RPL6: variants seen among roughly 807,000 people sequenced by gnomAD.
RPL6 encodes ribosomal protein L6.
Under a neutral mutation model 32.1 loss-of-function variants are expected in RPL6, and 1 was observed. That is an observed-to-expected ratio of 0.03 (90% CI 0.01 to 0.15). The LOEUF (loss-of-function observed/expected upper bound fraction) is 0.15. RPL6 is among the 10% of genes least tolerant of loss of function. RPL6 has a pLI of 1.00. For missense variants in RPL6, 275 were observed against 354.6 expected (o/e 0.78, Z 1.80); for synonymous variants, 126 against 131.6 (o/e 0.96, Z 0.29).
chr12:112,406,753 C>T lies in RPL6; in HGVS notation c.474G>A (p.Arg158=). The change falls in exon 4 of 7, where the codon AGG becomes AGA. Residue 158 remains arginine (R), a synonymous_variant. Coordinates refer to ENST00000202773, the MANE Select transcript of RPL6 (RefSeq NM_000970.6). The part of the protein sequence containing the change: ...TILIILTGRH[R]GKRVVFLKQL... ...CAAGCACAGGTACTCTCACCTTGCC[C>T]CTGTGGCGTCCAGTGAGGATGATCA... 1.2e-6 allele frequency: 2 copies of T among 1,614,184 alleles called. No homozygotes were observed. The highest frequency in any genetic ancestry group is 1.7e-5 in the Admixed American group (1 of 60,026).
chr12:112,418,193 T>A (rs866312089), intron 1 of RPL6, among the ~76,000 whole-genome samples: 141 of 151,976 alleles, frequency 9.3e-4, no homozygotes, highest in African/African-American at 3.3e-3. Context: ...TTGGCCAGGA[T>A]GGTCTCGATC....
upstream of RPL6, among the ~76,000 whole-genome samples, chr12:112,412,987 A>T (rs2037359078): frequency 6.6e-6 from 1 of 152,184 alleles, no homozygotes; most frequent in Middle Eastern, 3.4e-3. Flanking sequence ...TGTGTTATGT[A>T]TGTGTGTGAG....
At chr12:112,417,576 T>C (rs1411262203) in intron 1 of RPL6, among the ~76,000 whole-genome samples, 20 of 142,856 alleles carry the variant, frequency 1.4e-4, no homozygotes, top group Admixed American at 1.4e-3. Context: ...TTTTTTTTTT[T>C]TTTTTTTTTT....
rs564011731 is a variant in RPL6, at chr12:112,406,044, G to A, written c.530-7C>T. The A allele has an allele frequency of 1.9e-6, 3 of 1,595,812 alleles. No individual in the cohort carries two copies. The highest frequency in any genetic ancestry group is 2.7e-5 in the African/African-American group (2 of 74,012). ...CGATTGAGGACCAGAGGTCCTAAGGGGGAAAAATTAATTTAGCAAGGAAAA... is the reference window on the plus strand; with the variant it reads ...CGATTGAGGACCAGAGGTCCTAAGGAGGAAAAATTAATTTAGCAAGGAAAA... On this transcript the variant is annotated splice_polypyrimidine_tract_variant and splice_region_variant and intron_variant, in intron 5 of 6. Transcript: ENST00000202773.
Position 112,406,306 on chromosome 12 carries a change from A to T in RPL6, c.517T>A (p.Leu173Ile), listed in dbSNP as rs1383871602. The part of the protein sequence containing the change: ...VFLKQLASGL[L>I]LVTGPLVLNR... ...AGGATTTTCTTACCAGTCACAAGTAATAAGCCACTAGCCAGCTGCTTCAGG... is the reference window on the plus strand; with the variant it reads ...AGGATTTTCTTACCAGTCACAAGTATTAAGCCACTAGCCAGCTGCTTCAGG... Residue 173 changes from leucine (L) to isoleucine (I), a missense_variant, in exon 5 of 7, where the codon TTA (leucine) becomes ATA (isoleucine). Physicochemically the swap from Leu to Ile is conservative, Grantham distance 5. Transcript: ENST00000202773. 2 of 1,613,376 alleles carry T rather than the reference A, an allele frequency of 1.2e-6. No homozygotes were observed. The highest frequency in any genetic ancestry group is 1.7e-6 in the Non-Finnish European group (2 of 1,179,440).
chr12:112,418,573 A>G (rs528007136), intron 1 of RPL6: 1 of 238,478 alleles, frequency 4.2e-6, no homozygotes, highest in African/African-American at 2.2e-5. Context: ...AAAGAAAAGA[A>G]TGGAGGAAAC....
chr12:112,412,421 C>T (rs1318009128), upstream of RPL6, among the ~76,000 whole-genome samples: 3 of 151,976 alleles, frequency 2.0e-5, no homozygotes, highest in African/African-American at 7.2e-5. Flanking sequence ...GTGATCTGCT[C>T]ACCTCGGCCT....
At chr12:112,411,501 G>A (rs554296047), upstream of RPL6, 2 of 152,280 alleles carry the variant, frequency 1.3e-5, no homozygotes, top group South Asian at 2.1e-4. Context: ...GAATGGGAAT[G>A]TCAGCAGCTT....
At chr12:112,414,314 G>A (rs1026359390), upstream of RPL6, among the ~76,000 whole-genome samples, 2 of 152,236 alleles carry the variant, frequency 1.3e-5, no homozygotes, top group African/African-American at 2.4e-5. Flanking sequence ...CAGGGGAGGG[G>A]AGTGACGTGA....
chr12:112,405,286 C>T lies in RPL6; in HGVS notation c.805G>A (p.Gly269Ser), dbSNP rs773107304. Residue 269 changes from glycine (G) to serine (S), a missense_variant, in exon 7 of 7, where the codon GGC (glycine) becomes AGC (serine). Coordinates refer to ENST00000202773, the MANE Select transcript of RPL6 (RefSeq NM_000970.6). ...AGAGCAAACACAGATCGCAGGTAGC[C>T]CTGGAGCTGAGGAATAGCTTTGATT... Reference protein sequence around the residue: ...PKIKAIPQLQGYLRSVFALTN... With the variant: ...PKIKAIPQLQSYLRSVFALTN... 1.2e-6 allele frequency: 2 copies of T among 1,610,106 alleles called. No individual in the cohort carries two copies. The highest frequency in any genetic ancestry group is 2.7e-5 in the African/African-American group (2 of 74,688).
intron 3 of RPL6, 151 bp downstream of exon 3, chr12:112,408,089 A>G (rs1290725962): frequency 1.9e-5 from 12 of 624,468 alleles, no homozygotes; most frequent in Middle Eastern, 4.3e-4. Context: ...ATTAACAGTA[A>G]ATGTTGAAGC....
Position 112,405,300 on chromosome 12 carries a change from A to G in RPL6, c.791T>C (p.Ile264Thr), listed in dbSNP as rs2037127608. 4 of 1,610,584 alleles carry G rather than the reference A, an allele frequency of 2.5e-6. No individual in the cohort carries two copies. The highest frequency in any genetic ancestry group is 2.5e-6 in the Non-Finnish European group (3 of 1,178,918). ...TCGCAGGTAGCCCTGGAGCTGAGGA[A>G]TAGCTTTGATTTTTGGTAAAATTTG... is the stretch of plus-strand genomic sequence containing the variant. ...DSQILPKIKAIPQLQGYLRSV... is the reference protein window; with the variant it reads ...DSQILPKIKATPQLQGYLRSV... The change falls in exon 7 of 7, where the codon ATT (isoleucine) becomes ACT (threonine). Residue 264 changes from isoleucine (I) to threonine (T), a missense_variant. Physicochemically the swap from Ile to Thr is moderately conservative, Grantham distance 89. Transcript: ENST00000202773.
chr12:112,408,935 T>G (rs778380494), intron 1 of RPL6: 1 of 413,666 alleles, frequency 2.4e-6, no homozygotes, highest in Non-Finnish European at 4.3e-6. Context: ...CGGTCAGAAG[T>G]CCGTACAACC....
chr12:112,405,751 T>G, intron 6 of RPL6, 102 bp downstream of exon 6: 1 of 957,014 alleles, frequency 1.0e-6, no homozygotes. Context: ...GCATTCCTCA[T>G]TATTTAACCT....
intron 3 of RPL6, 106 bp downstream of exon 3, chr12:112,408,134 A>G (rs1009955615): frequency 6.2e-6 from 5 of 804,998 alleles, no homozygotes; most frequent in Middle Eastern, 3.6e-4. Flanking sequence ...ATTTTCTATC[A>G]GAAATTCTCC....
chr12:112,415,959 T>G (rs1427885829), intron 1 of RPL6, among the ~76,000 whole-genome samples: 1 of 140,074 alleles, frequency 7.1e-6, no homozygotes, highest in Non-Finnish European at 1.6e-5. Flanking sequence ...TTTTGCAGTT[T>G]TTTTTTTTTT....
At chr12:112,416,950 GACTC>G (rs1757504632) in intron 1 of RPL6, among the ~76,000 whole-genome samples, 1 of 152,202 alleles carries the variant, frequency 6.6e-6, no homozygotes, top group South Asian at 2.1e-4. Flanking sequence ...CACAGTATGA[GACTC>G]ACTTGTATAT....
rs2037166195 is a variant in RPL6, at chr12:112,406,276, A to G, written c.529+18T>C. 6.2e-7 allele frequency: 1 copy of G among 1,608,210 alleles called. No individual in the cohort carries two copies. Among genetic ancestry groups the G allele is most frequent in the Non-Finnish European group, 8.5e-7 (1 of 1,175,002 alleles). On this transcript the variant is annotated intron_variant, in intron 5 of 6. Transcript: ENST00000202773. ...AATGGAAGTTTCACAGAACATCACA[A>G]TCCAAGGATTTTCTTACCAGTCACA...
chr12:112,410,009 A>G (rs901784225), upstream of RPL6, among the ~76,000 whole-genome samples: 3 of 112,612 alleles, frequency 2.7e-5, no homozygotes, highest in African/African-American at 3.8e-5. Flanking sequence ...CTCAAAAAAG[A>G]AAAAAAAAAA....
Sources: gnomAD v4.1 joint callset for allele counts (sites outside exome capture counted in the v4.1 genomes callset) on GRCh38, gnomAD v4.1.1 for gene constraint, MANE v1.5 for transcripts, NCBI Gene and HGNC (gene_info 2026-07-23, HGNC 2026-07-21) for gene names.